CTNNA3: variants seen among roughly 807,000 people sequenced by gnomAD.
CTNNA3 encodes the protein catenin alpha 3.
A neutral mutation model predicts 95.7 loss-of-function variants in CTNNA3; 76 were observed. The observed-to-expected ratio is 0.79, with a 90% CI of 0.66 to 0.96. The LOEUF is 0.96. Ranked by LOEUF, CTNNA3 falls within the 40% of genes least tolerant of loss-of-function variation. The probability of loss-of-function intolerance (pLI) is 0.00; values close to 1 mark genes in which losing one functional copy is unlikely to be tolerated. For synonymous variants in CTNNA3, 431 were observed against 374.4 expected (o/e 1.15, Z -1.74); for missense variants, 1,191 against 1,089.8 (o/e 1.09, Z -1.31).
Position 65,914,072 on chromosome 10 carries a change from A to G in CTNNA3, c.*6258T>C, listed in dbSNP as rs74860192. The stretch of plus-strand genomic sequence containing the variant: ...CCTTCTTGAAAATGCCAAGGAAATA[A>G]ACTTTGGAACTGGGAATATTTCATT... On this transcript the variant is annotated 3_prime_UTR_variant, in exon 18 of 18. Transcript: ENST00000433211. 2.0e-5 allele frequency: 3 copies of G among 152,188 alleles called. No homozygotes were observed. In the East Asian group the frequency reaches 5.8e-4, roughly 29 times the overall value. The allele number at this position is 152,188 out of a possible 1,614,324, so 9.4% of individuals were successfully genotyped here.
rs375674905 is a variant in CTNNA3 at position 66,962,318 on chromosome 10, C to T, written c.1048-186794G>A. Among the ~76,000 whole-genome samples, 20 of 152,220 alleles carry T rather than the reference C, an allele frequency of 1.3e-4. No homozygotes were observed. In the East Asian group the frequency reaches 1.7e-3, roughly 13 times the overall value. ...AGGAAGAGAACTTCCTCATGGTCTC[C>T]GTACTTACACCTCCTTCTGCCTATA... On this transcript the variant is annotated intron_variant, in intron 7 of 17. Transcript: ENST00000433211.
chr10:67,303,209 T>C (rs1391190390), intron 5 of CTNNA3, among the ~76,000 whole-genome samples: 1 of 152,214 alleles, frequency 6.6e-6, no homozygotes, highest in Non-Finnish European at 1.5e-5. Context: ...AGATCCGTAT[T>C]TGAAACCAGA....
intron 5 of CTNNA3, among the ~76,000 whole-genome samples, chr10:67,264,744 G>C (rs1866750025): frequency 6.6e-6 from 1 of 152,064 alleles, no homozygotes; most frequent in Non-Finnish European, 1.5e-5. Flanking sequence ...GTTAGAGATA[G>C]AGGTTCACCC....
At chr10:67,177,133 CAATA>C in intron 7 of CTNNA3, 1 of 361,478 alleles carries the variant, frequency 2.8e-6, no homozygotes, top group Non-Finnish European at 5.4e-6. Context: ...CATACATAAT[CAATA>C]GTGTTAAGTG....
intron 7 of CTNNA3, among the ~76,000 whole-genome samples, chr10:67,140,115 A>G (rs1159201587): frequency 6.6e-6 from 1 of 152,210 alleles, no homozygotes; most frequent in Non-Finnish European, 1.5e-5. Flanking sequence ...CTTTGAAAAC[A>G]TCCCTTATTT....
At chr10:66,508,155 G>A (rs1840518227) in intron 11 of CTNNA3, among the ~76,000 whole-genome samples, 1 of 146,086 alleles carries the variant, frequency 6.8e-6, no homozygotes, top group Non-Finnish European at 1.5e-5. Flanking sequence ...CCAATTAAGA[G>A]TGTGGTGGTG....
chr10:67,529,709 A>G (rs1033234021), intron 4 of CTNNA3, among the ~76,000 whole-genome samples: 2 of 152,032 alleles, frequency 1.3e-5, no homozygotes, highest in Non-Finnish European at 2.9e-5. Context: ...TGAAAAAAAA[A>G]TTTCTTCTTC....
At chr10:67,187,405 G>T (rs1394465284) in intron 6 of CTNNA3, among the ~76,000 whole-genome samples, 1 of 152,098 alleles carries the variant, frequency 6.6e-6, no homozygotes, top group Non-Finnish European at 1.5e-5. Flanking sequence ...CCACTCTGGG[G>T]AAACTGAGAT....
In CTNNA3 at chr10:67,612,169, A is replaced by G. The variant is rs114621649; in HGVS notation, c.100-5120T>C. On this transcript the variant is annotated intron_variant, in intron 2 of 17. Transcript: ENST00000433211. Reference sequence around the variant, plus strand: ...TTCAACACCCCCCCAAACCAACTTCAATCTTCTTTTAGTTCCTTTCAAGCC... The same window carrying G: ...TTCAACACCCCCCCAAACCAACTTCGATCTTCTTTTAGTTCCTTTCAAGCC... 2.5e-3 allele frequency among the ~76,000 whole-genome samples: 384 copies of G among 152,304 alleles called. 2 individuals are homozygous for G. The highest frequency in any genetic ancestry group is 8.8e-3 in the African/African-American group (365 of 41,560).
At chr10:66,115,590 TAGAGATAGAGATAG>T (rs1463710546) in intron 13 of CTNNA3, among the ~76,000 whole-genome samples, 35 of 108,338 alleles carry the variant, frequency 3.2e-4, no homozygotes, top group African/African-American at 2.2e-3. Context: ...GATAGATAGA[TAGAGATAGAGATAG>T]AGATAGAGAT....
At chr10:66,423,536 C>T (rs545815086) in intron 11 of CTNNA3, among the ~76,000 whole-genome samples, 11 of 152,238 alleles carry the variant, frequency 7.2e-5, no homozygotes, top group Non-Finnish European at 1.6e-4. Flanking sequence ...AATGACATCT[C>T]GAACCAGAAA....
At chr10:66,265,927 G>A (rs775968270) in intron 13 of CTNNA3, among the ~76,000 whole-genome samples, 2 of 151,682 alleles carry the variant, frequency 1.3e-5, no homozygotes, top group Admixed American at 6.6e-5. Context: ...ATCTCCATAT[G>A]GCTAAGTGTT....
chr10:66,191,269 G>C (rs1470016276), intron 13 of CTNNA3, among the ~76,000 whole-genome samples: 2 of 151,894 alleles, frequency 1.3e-5, no homozygotes, highest in Non-Finnish European at 1.5e-5. Context: ...CAGAAATAAG[G>C]GTCTCCAGGA....
chr10:66,952,944 T>C (rs1054482629), intron 7 of CTNNA3, among the ~76,000 whole-genome samples: 2 of 152,086 alleles, frequency 1.3e-5, no homozygotes, highest in African/African-American at 4.8e-5. Context: ...CAAGGTATCC[T>C]TTGAAATACT....
chr10:67,735,299 CT>C (rs1324561225), intron 1 of CTNNA3, among the ~76,000 whole-genome samples: 4 of 151,938 alleles, frequency 2.6e-5, no homozygotes, highest in Non-Finnish European at 5.9e-5. Context: ...AAATAAGAAT[CT>C]GGAGTTTGGA....
chr10:66,067,811 G>T (rs2080345007), intron 15 of CTNNA3, among the ~76,000 whole-genome samples: 1 of 152,130 alleles, frequency 6.6e-6, no homozygotes, highest in Non-Finnish European at 1.5e-5. Flanking sequence ...AGCTACTCGG[G>T]AGGCTGAGGC....
At chr10:67,542,804 T>C (rs1024442234) in intron 3 of CTNNA3, among the ~76,000 whole-genome samples, 8 of 152,144 alleles carry the variant, frequency 5.3e-5, no homozygotes, top group Non-Finnish European at 1.0e-4. Flanking sequence ...AGCTGGTTTA[T>C]AGAATTTAGC....
chr10:66,088,679 CAA>C (rs1210462054), intron 14 of CTNNA3, among the ~76,000 whole-genome samples: 2 of 152,044 alleles, frequency 1.3e-5, no homozygotes, highest in African/African-American at 4.8e-5. Context: ...GGTATCTCCA[CAA>C]AGTGTTTGAG....
chr10:66,124,023 T>C (rs2082708243), intron 13 of CTNNA3, among the ~76,000 whole-genome samples: 1 of 152,102 alleles, frequency 6.6e-6, no homozygotes, highest in Non-Finnish European at 1.5e-5. Flanking sequence ...GGCTCCTCAT[T>C]ACTTACGCAA....
Sources: gnomAD v4.1 joint callset for allele counts (sites outside exome capture counted in the v4.1 genomes callset) on GRCh38, gnomAD v4.1.1 for gene constraint, MANE v1.5 for transcripts, NCBI Gene and HGNC (gene_info 2026-07-23, HGNC 2026-07-21) for gene names.